The following SOX17 variants were observed in gnomAD, a reference collection of about 807,000 sequenced individuals.
SOX17 encodes transcription factor SOX-17.
Under a neutral mutation model 16.0 loss-of-function variants are expected in SOX17, and 4 were observed. The observed-to-expected ratio is 0.25, with a 90% CI of 0.12 to 0.57. The LOEUF is 0.57. Ranked by LOEUF, SOX17 falls within the 20% of genes least tolerant of loss-of-function variation. The pLI, the probability that SOX17 is intolerant of heterozygous loss-of-function variation, is 0.92. For missense variants in SOX17, 633 were observed against 609.7 expected, an observed-to-expected ratio of 1.04 and a Z score of -0.40; for synonymous variants, 357 against 284.6, an observed-to-expected ratio of 1.25 and a Z score of -2.56.
At position 54,459,581 on chromosome 8, in the gene SOX17, G is replaced by T. The variant is rs541569463; in HGVS notation, c.831G>T (p.Glu277Asp). The part of the protein sequence containing the change: ...AGPMHPRLGP[E>D]PAGPSIPGLL... ...CCATGCACCCCCGACTCGGCCCAGA[G>T]CCCGCGGGTCCCTCGATTCCGGGCC... The change falls in exon 2 of 2, where the codon GAG becomes GAT. Residue 277 changes from glutamate to aspartate, a missense_variant. Physicochemically the swap from Glu to Asp is conservative, Grantham distance 45 (BLOSUM62 2). Transcript: ENST00000297316. 21 of 1,539,150 alleles carry T rather than the reference G, an allele frequency of 1.4e-5. No homozygotes were observed. The South Asian group carries it at 2.4e-4, about 17-fold the overall frequency.
Position 54,459,811 on chromosome 8 carries a change from T to C in SOX17, c.1061T>C (p.Leu354Pro). The C allele has an allele frequency of 6.2e-7, 1 of 1,612,268 alleles. No homozygotes were observed. The highest frequency in any genetic ancestry group is 8.5e-7 in the Non-Finnish European group (1 of 1,179,600). ...ACGGACCCCAGTCAGCCCGCCGAGC[T>C]CCTCGGGGAGGTGGACCGCACGGAA... The part of the protein sequence containing the change: ...DGTDPSQPAE[L>P]LGEVDRTEFE... Residue 354 changes from leucine to proline, a missense_variant, in exon 2 of 2, where the codon CTC becomes CCC. This residue lies in a region of SOX17 where 479 missense variants were observed against 397.2 expected (regional missense o/e 1.21). Transcript: ENST00000297316.
chr8:54,460,172 G>T lies in SOX17; in HGVS notation c.*177G>T. On this transcript the variant is annotated 3_prime_UTR_variant, in exon 2 of 2. Coordinates refer to ENST00000297316, the MANE Select transcript of SOX17 (RefSeq NM_022454.4). ...TGTCTGCCACTTGAACAGTTTGGGG[G>T]GGTGAGGTTTCATTTAAAATTTGTT... 1.5e-6 allele frequency: 1 copy of T among 668,004 alleles called. No homozygotes were observed. The highest frequency in any genetic ancestry group is 2.5e-6 in the Non-Finnish European group (1 of 395,078). 41.4% of individuals were successfully genotyped at this position (668,004 alleles called of 1,614,324 possible).
At position 54,459,763 on chromosome 8, in the gene SOX17, A is replaced by C; in HGVS notation, c.1013A>C (p.Glu338Ala). 6.3e-7 allele frequency: 1 copy of C among 1,587,718 alleles called. No homozygotes were observed. The highest frequency in any genetic ancestry group is 1.1e-5 in the South Asian group (1 of 88,212). Residue 338 changes from glutamate to alanine, a missense_variant, in exon 2 of 2, where the codon GAG becomes GCG. Coordinates refer to ENST00000297316, the MANE Select transcript of SOX17 (RefSeq NM_022454.4). ...PGPGQPSPPP[E>A]ALPCRDGTDP... ...CCCGGACAGCCGTCGCCCCCTCCGG[A>C]GGCACTGCCCTGCCGGGACGGCACG... is the stretch of plus-strand genomic sequence containing the variant.
Position 54,459,221 on chromosome 8 carries a change from C to A in SOX17, c.471C>A (p.His157Gln), listed in dbSNP as rs577354460. Residue 157 changes from histidine (H) to glutamine (Q), a missense_variant, in exon 2 of 2, where the codon CAC becomes CAA. By Grantham distance (24) the His-to-Gln change is conservative. Around this residue, in one of 5 missense-constraint regions of SOX17, gnomAD observed 479 missense variants for 397.2 expected, o/e 1.21. Coordinates refer to ENST00000297316, the MANE Select transcript of SOX17 (RefSeq NM_022454.4). ...AGCGGGTGGAGGGCGGCTTCCTGCA[C>A]GGCCTGGCTGAGCCGCAGGCGGCCG... ...RLKRVEGGFL[H>Q]GLAEPQAAAL... The A allele has an allele frequency of 1.5e-5, 24 of 1,555,676 alleles. No homozygotes were observed. The East Asian group carries it at 5.2e-4, about 34-fold the overall frequency.
At position 54,458,105 on chromosome 8, in the gene SOX17, A is replaced by G; in HGVS notation, c.-34A>G. On this transcript the variant is annotated 5_prime_UTR_variant, in exon 1 of 2. Transcript: ENST00000297316. ...TCGGGGGAGGCGGCGCGTCCGGCGG[A>G]GGGTTGAGGGGAGCGGGGCAGGCCT... The G allele has an allele frequency of 1.4e-6, 2 of 1,445,414 alleles. No individual in the cohort carries two copies. Among genetic ancestry groups the G allele is most frequent in the Admixed American group, 2.7e-5 (1 of 37,012 alleles). The allele number at this position is 1,445,414 out of a possible 1,614,324, so 89.5% of individuals were successfully genotyped here.
chr8:54,460,000 T>C lies in SOX17; in HGVS notation c.*5T>C, dbSNP rs755805068. On this transcript the variant is annotated 3_prime_UTR_variant, in exon 2 of 2. Transcript: ENST00000297316. The stretch of plus-strand genomic sequence containing the variant: ...TGCAACTATCCTGACGTGTGACAGG[T>C]CCCTGATCCGCCCCAGCCTGCAGGC... 1.2e-6 allele frequency: 2 copies of C among 1,613,444 alleles called. No homozygotes were observed. The highest frequency in any genetic ancestry group is 1.7e-6 in the Non-Finnish European group (2 of 1,179,964).
In SOX17 at chr8:54,459,361, G is replaced by A. The variant is rs758593361; in HGVS notation, c.611G>A (p.Arg204His). 6.4e-7 allele frequency: 1 copy of A among 1,557,476 alleles called. No individual in the cohort carries two copies. The highest frequency in any genetic ancestry group is 1.2e-5 in the South Asian group (1 of 85,634). Residue 204 changes from arginine to histidine, a missense_variant, in exon 2 of 2, where the codon CGC becomes CAC. Arg to His is a conservative substitution (Grantham distance 29, BLOSUM62 0). Around this residue, in one of 5 missense-constraint regions of SOX17, gnomAD observed 479 missense variants for 397.2 expected, o/e 1.21. Coordinates refer to ENST00000297316, the MANE Select transcript of SOX17 (RefSeq NM_022454.4). Reference sequence around the variant, plus strand: ...CCTCCGCACATGGGCGGCCACTACCGCGACTGCCAGAGTCTGGGCGCGCCT... The same window carrying A: ...CCTCCGCACATGGGCGGCCACTACCACGACTGCCAGAGTCTGGGCGCGCCT... Reference protein sequence around the residue: ...LLPPHMGGHYRDCQSLGAPPL... With the variant: ...LLPPHMGGHYHDCQSLGAPPL...
rs1804719783 is a variant in SOX17 at position 54,460,198 on chromosome 8, CAG to C, written c.*207_*208del. On this transcript the variant is annotated 3_prime_UTR_variant, in exon 2 of 2. Transcript: ENST00000297316. Reference sequence around the variant, plus strand: ...GGTGAGGTTTCATTTAAAATTTGTTCAGAGATTTGTTTCCCATAGTTGGATTG... The same window carrying C: ...GGTGAGGTTTCATTTAAAATTTGTTCAGATTTGTTTCCCATAGTTGGATTG... The C allele has an allele frequency of 3.2e-6, 2 of 626,670 alleles. No individual in the cohort carries two copies. The highest frequency in any genetic ancestry group is 5.5e-6 in the Non-Finnish European group (2 of 361,000). The allele number at this position is 626,670 out of a possible 1,614,324, so 38.8% of individuals were successfully genotyped here. A position where few individuals can be genotyped will look rare whatever the true frequency, so the allele number is the denominator to read the frequency against.
chr8:54,459,873 A>G lies in SOX17; in HGVS notation c.1123A>G (p.Met375Val), dbSNP rs777118057. 2.5e-6 allele frequency: 4 copies of G among 1,613,890 alleles called. No homozygotes were observed. The highest frequency in any genetic ancestry group is 2.5e-6 in the Non-Finnish European group (3 of 1,180,040). The change falls in exon 2 of 2, where the codon ATG (methionine) becomes GTG (valine). Residue 375 changes from methionine to valine, a missense_variant. Coordinates refer to ENST00000297316, the MANE Select transcript of SOX17 (RefSeq NM_022454.4). ...TCTGCACTTCGTGTGCAAGCCTGAG[A>G]TGGGCCTCCCCTACCAGGGGCATGA... ...QYLHFVCKPE[M>V]GLPYQGHDSG...
rs1302326991 is a variant in SOX17 at position 54,459,290 on chromosome 8, C to T, written c.540C>T (p.Gly180=). 2.9e-5 allele frequency: 44 copies of T among 1,513,040 alleles called. No homozygotes were observed. The East Asian group carries it at 1.1e-3, about 39-fold the overall frequency. The allele number at this position is 1,513,040 out of a possible 1,614,324, so 93.7% of individuals were successfully genotyped here. A position where few individuals can be genotyped will look rare whatever the true frequency, so the allele number is the denominator to read the frequency against. ...GCCGCGTGGCCATGGACGGCCTGGG[C>T]CTCCAGTTCCCCGAGCAGGGCTTCC... The part of the protein sequence containing the change: ...EGGRVAMDGL[G]LQFPEQGFPA... The change falls in exon 2 of 2, where the codon GGC becomes GGT. Residue 180 remains glycine, a synonymous_variant. Transcript: ENST00000297316.
chr8:54,459,388 C>T lies in SOX17; in HGVS notation c.638C>T (p.Pro213Leu). 3 of 1,557,450 alleles carry T rather than the reference C, an allele frequency of 1.9e-6. No homozygotes were observed. Among genetic ancestry groups the T allele is most frequent in the Non-Finnish European group, 2.6e-6 (3 of 1,162,398 alleles). ...YRDCQSLGAP[P>L]LDGYPLPTPD... ...GACTGCCAGAGTCTGGGCGCGCCTC[C>T]GCTCGACGGCTACCCGTTGCCCACG... Residue 213 changes from proline to leucine, a missense_variant, in exon 2 of 2, where the codon CCG (proline) becomes CTG (leucine). Around this residue, in one of 5 missense-constraint regions of SOX17, gnomAD observed 479 missense variants for 397.2 expected, o/e 1.21. Coordinates refer to ENST00000297316, the MANE Select transcript of SOX17 (RefSeq NM_022454.4).
rs530310740 is a variant in SOX17, at chr8:54,459,273, G to A, written c.523G>A (p.Ala175Thr). ...GCTGGGCCCCGAGGGCGGCCGCGTG[G>A]CCATGGACGGCCTGGGCCTCCAGTT... is the stretch of plus-strand genomic sequence containing the variant. ...AALGPEGGRVAMDGLGLQFPE... is the reference protein window; with the variant it reads ...AALGPEGGRVTMDGLGLQFPE... Residue 175 changes from alanine (A) to threonine (T), a missense_variant, in exon 2 of 2, where the codon GCC (alanine) becomes ACC (threonine). Ala to Thr is a moderately conservative substitution (Grantham distance 58). This residue lies in a region of SOX17 where 479 missense variants were observed against 397.2 expected (regional missense o/e 1.21). Coordinates refer to ENST00000297316, the MANE Select transcript of SOX17 (RefSeq NM_022454.4). The A allele has an allele frequency of 4.0e-5, 61 of 1,510,178 alleles. No homozygotes were observed. The African/African-American group carries it at 7.7e-4, about 19-fold the overall frequency. 93.5% of individuals were successfully genotyped at this position (1,510,178 alleles called of 1,614,324 possible).
chr8:54,458,941 G>T, intron 1 of SOX17, 117 bp from the exon 2 acceptor site: 1 of 903,172 alleles, frequency 1.1e-6, no homozygotes. Flanking sequence ...CTTCACCCCG[G>T]TTGCGCAATT....
In SOX17 at chr8:54,458,990, G is replaced by T. The variant is rs534432358; in HGVS notation, c.308-68G>T. 47 of 1,414,238 alleles carry T rather than the reference G, an allele frequency of 3.3e-5. 2 individuals are homozygous for T. In the South Asian group the frequency reaches 4.4e-4, roughly 13 times the overall value. 87.6% of individuals were successfully genotyped at this position (1,414,238 alleles called of 1,614,324 possible). On this transcript the variant is annotated intron_variant, in intron 1 of 1. Transcript: ENST00000297316. ...GGGAGGTGCGTCCAGGTGGGGCCAG[G>T]TGGGGCCTGGAGCGGGAGCGCAGCC...
chr8:54,458,882 G>C (rs1296907370), intron 1 of SOX17, among the ~76,000 whole-genome samples, 176 bp from the exon 2 acceptor site: 4 of 152,226 alleles, frequency 2.6e-5, no homozygotes, highest in Non-Finnish European at 4.4e-5. Context: ...TTAGAGGACG[G>C]GTGTTCCCCA....
At chr8:54,458,946 G>T (rs1018836730) in intron 1 of SOX17, 112 bp from the exon 2 acceptor site, 17 of 974,514 alleles carry the variant, frequency 1.7e-5, no homozygotes, top group Non-Finnish European at 2.5e-5. Context: ...CCCCGGTTGC[G>T]CAATTCAAAG....
At chr8:54,458,930 A>T in intron 1 of SOX17, 128 bp from the exon 2 acceptor site, 1 of 810,562 alleles carries the variant, frequency 1.2e-6, no homozygotes, top group Non-Finnish European at 1.8e-6. Context: ...TCCCTCTTTA[A>T]CTTCACCCCG....
At position 54,459,199 on chromosome 8, in the gene SOX17, G is replaced by A. The variant is rs1804689547; in HGVS notation, c.449G>A (p.Arg150Gln). The A allele has an allele frequency of 6.3e-7, 1 of 1,590,578 alleles. No individual in the cohort carries two copies. Among genetic ancestry groups the A allele is most frequent in the Non-Finnish European group, 8.5e-7 (1 of 1,170,426 alleles). Residue 150 changes from arginine (R) to glutamine (Q), a missense_variant, in exon 2 of 2, where the codon CGG becomes CAG. By Grantham distance (43) the Arg-to-Gln change is conservative. Coordinates refer to ENST00000297316, the MANE Select transcript of SOX17 (RefSeq NM_022454.4). ...RRRKQVKRLK[R>Q]VEGGFLHGLA... The stretch of plus-strand genomic sequence containing the variant: ...CGCAAGCAGGTGAAGCGGCTGAAGC[G>A]GGTGGAGGGCGGCTTCCTGCACGGC...
Position 54,459,003 on chromosome 8 carries a change from C to A in SOX17, c.308-55C>A, listed in dbSNP as rs185172484. On this transcript the variant is annotated intron_variant, in intron 1 of 1. Coordinates refer to ENST00000297316, the MANE Select transcript of SOX17 (RefSeq NM_022454.4). ...AGGTGGGGCCAGGTGGGGCCTGGAG[C>A]GGGAGCGCAGCCGATAAGCCCTGCG... 1,643 of 1,463,814 alleles carry A rather than the reference C, an allele frequency of 1.1e-3. 17 individuals are homozygous for A. The African/African-American group carries it at 0.02, about 18-fold the overall frequency. The allele number at this position is 1,463,814 out of a possible 1,614,324, so 90.7% of individuals were successfully genotyped here.
Sources: allele counts gnomAD v4.1 joint callset (sites outside exome capture counted in the v4.1 genomes callset), GRCh38; gene constraint gnomAD v4.1.1; regional missense constraint gnomAD v4.1.1; transcripts MANE v1.5; gene names NCBI Gene and HGNC (gene_info 2026-07-23, HGNC 2026-07-21).